The following ANKMY1 variants were observed in gnomAD, a reference collection of about 807,000 sequenced individuals.
The protein encoded by ANKMY1 is ankyrin repeat and MYND domain containing 1, also known as ankyrin repeat and MYND domain-containing protein 1.
ANKMY1 carries 98 observed loss-of-function variants against 102.0 expected under a neutral mutation model. The ratio of observed to expected loss-of-function variants is 0.96; its 90% confidence interval spans 0.82 to 1.14. ANKMY1 has a LOEUF of 1.14. Ranked by LOEUF, ANKMY1 falls within the 50% of genes most tolerant of loss-of-function variation. The pLI, the probability that ANKMY1 is intolerant of heterozygous loss-of-function variation, is 0.00. For synonymous variants in ANKMY1, 582 were observed against 559.9 expected (o/e 1.04, Z -0.56); for missense variants, 1,330 against 1,347.6 (o/e 0.99, Z 0.20).
chr2:240,481,481 C>T (rs977780680), intron 16 of ANKMY1, among the ~76,000 whole-genome samples: 1 of 152,140 alleles, frequency 6.6e-6, no homozygotes, highest in South Asian at 2.1e-4. Flanking sequence ...AGTGACTCTT[C>T]GAGGGCAGGG....
At chr2:240,538,476 C>T (rs759818246) in intron 4 of ANKMY1, among the ~76,000 whole-genome samples, 9 of 152,296 alleles carry the variant, frequency 5.9e-5, no homozygotes, top group Middle Eastern at 3.4e-3. Flanking sequence ...AGCCCGCCAG[C>T]GCTGCACTCA....
At chr2:240,522,789 C>T (rs905270501) in intron 8 of ANKMY1, 15 of 152,248 alleles carry the variant, frequency 9.9e-5, no homozygotes, top group Admixed American at 2.6e-4. Context: ...GCGCTGCTAA[C>T]GCCATCTCAC....
intron 15 of ANKMY1, among the ~76,000 whole-genome samples, chr2:240,494,338 C>T (rs2076986777): frequency 6.6e-6 from 1 of 152,162 alleles, no homozygotes; most frequent in South Asian, 2.1e-4. Context: ...ATCACTGGGT[C>T]TCACCCCTGC....
At chr2:240,537,297 A>C (rs1421581593) in intron 4 of ANKMY1, among the ~76,000 whole-genome samples, 2 of 152,234 alleles carry the variant, frequency 1.3e-5, no homozygotes, top group African/African-American at 2.4e-5. Flanking sequence ...CATAAGTTCC[A>C]TAATGTGACC....
chr2:240,499,714 G>A lies in ANKMY1; in HGVS notation c.2806+244C>T, dbSNP rs1286910063. 2.6e-5 allele frequency among the ~76,000 whole-genome samples: 4 copies of A among 152,002 alleles called. No individual in the cohort carries two copies. Among genetic ancestry groups the A allele is most frequent in the Non-Finnish European group, 5.9e-5 (4 of 67,954 alleles). On this transcript the variant is annotated intron_variant, in intron 15 of 17. Coordinates refer to ENST00000401804, the MANE Select transcript of ANKMY1 (RefSeq NM_001282771.3). The surrounding 1 kb of genome is among the most constrained non-coding windows in gnomAD (Gnocchi z 4.2). ...TGGGCGTGGGGCCCCTCTGACCTGG[G>A]CCCTGGCCCTAGGCCACCAACTCCT...
At position 240,482,266 on chromosome 2, in the gene ANKMY1, A is replaced by G. The variant is rs2075489894; in HGVS notation, c.2807-5T>C. On this transcript the variant is annotated splice_region_variant and splice_polypyrimidine_tract_variant and intron_variant, in intron 15 of 17. Coordinates refer to ENST00000401804, the MANE Select transcript of ANKMY1 (RefSeq NM_001282771.3). ...TGTGGCTGGGGATCAGCTCCGCTGCATGAGAGAGGGTCCCGCATTAGTACC... is the reference window on the plus strand; with the variant it reads ...TGTGGCTGGGGATCAGCTCCGCTGCGTGAGAGAGGGTCCCGCATTAGTACC... The G allele has an allele frequency of 1.2e-6, 2 of 1,610,560 alleles. No individual in the cohort carries two copies. Among genetic ancestry groups the G allele is most frequent in the Non-Finnish European group, 1.7e-6 (2 of 1,178,640 alleles).
At chr2:240,527,072 ATGGATGAATGGATGGGTGGG>A (rs2083636957) in intron 5 of ANKMY1, 23 of 699,976 alleles carry the variant, frequency 3.3e-5, no homozygotes, top group Admixed American at 6.3e-5. Flanking sequence ...GAGTGAATTG[ATGGATGAATGGATGGGTGGG>A]TGGATGAATG....
intron 16 of ANKMY1, 97 bp downstream of exon 16, chr2:240,482,086 G>T: frequency 7.4e-7 from 1 of 1,359,020 alleles, no homozygotes; most frequent in Non-Finnish European, 1.0e-6. Context: ...ATGGCATGGA[G>T]GCTGTCCCGG....
intron 5 of ANKMY1, chr2:240,527,421 A>G (rs2083840739): frequency 4.6e-5 from 1 of 21,574 alleles, no homozygotes. Flanking sequence ...AGGTAGATGA[A>G]TGAGTAGGTA....
At chr2:240,482,527 T>C (rs893574337) in intron 15 of ANKMY1, among the ~76,000 whole-genome samples, 79 of 152,262 alleles carry the variant, frequency 5.2e-4, no homozygotes, top group African/African-American at 1.9e-3. Context: ...TTCTTTTTAA[T>C]TCATTTCAAA....
At chr2:240,504,336 G>A (rs928791211) in intron 13 of ANKMY1, among the ~76,000 whole-genome samples, 1 of 152,182 alleles carries the variant, frequency 6.6e-6, no homozygotes, top group Non-Finnish European at 1.5e-5. Flanking sequence ...TCTCCAGGAG[G>A]CTACGGAAAA....
At chr2:240,552,111 A>C (rs1192905902) in intron 4 of ANKMY1, among the ~76,000 whole-genome samples, 1 of 152,192 alleles carries the variant, frequency 6.6e-6, no homozygotes, top group Non-Finnish European at 1.5e-5. Context: ...CCCTAGTTTT[A>C]GTCAGGGGGA....
intron 13 of ANKMY1, among the ~76,000 whole-genome samples, chr2:240,504,320 C>A (rs1490765088): frequency 1.3e-5 from 2 of 152,202 alleles, no homozygotes; most frequent in Non-Finnish European, 2.9e-5. Flanking sequence ...GAGAAAAGCA[C>A]CAGATTCTCC....
At chr2:240,497,446 G>T (rs2077409136) in intron 15 of ANKMY1, among the ~76,000 whole-genome samples, 1 of 152,206 alleles carries the variant, frequency 6.6e-6, no homozygotes, top group African/African-American at 2.4e-5. Flanking sequence ...AGCTGGGAGG[G>T]TGAAAAGGAA....
At position 240,507,701 on chromosome 2, in the gene ANKMY1, CACAG is replaced by C. The variant is rs759207009; in HGVS notation, c.2395-14_2395-11del. Reference sequence around the variant, plus strand: ...GGAGCTCCTTCACAACCTGAACATACACAGACAGTCTCATCAGTGGCCACCATGT... The same window carrying C: ...GGAGCTCCTTCACAACCTGAACATACACAGTCTCATCAGTGGCCACCATGT... On this transcript the variant is annotated splice_polypyrimidine_tract_variant and intron_variant, in intron 12 of 17. Coordinates refer to ENST00000401804, the MANE Select transcript of ANKMY1 (RefSeq NM_001282771.3). The C allele has an allele frequency of 6.3e-5, 101 of 1,593,876 alleles. No homozygotes were observed. Among genetic ancestry groups the C allele is most frequent in the African/African-American group, 5.9e-4 (44 of 74,612 alleles).
At chr2:240,552,887 C>A in intron 4 of ANKMY1, 27 bp downstream of exon 4, 1 of 1,613,252 alleles carries the variant, frequency 6.2e-7, no homozygotes, top group East Asian at 2.2e-5. Flanking sequence ...ACTTCGACCC[C>A]AGCTGAACAC....
intron 15 of ANKMY1, among the ~76,000 whole-genome samples, chr2:240,492,756 T>C (rs917822886): frequency 3.3e-5 from 5 of 152,188 alleles, no homozygotes; most frequent in Non-Finnish European, 5.9e-5. Context: ...AGTGGCACGA[T>C]CTCGGCTCAC....
rs542779034 is a variant in ANKMY1 at position 240,506,564 on chromosome 2, C to T, written c.2526+996G>A. Among the ~76,000 whole-genome samples the T allele has an allele frequency of 1.3e-4, 20 of 152,272 alleles. No homozygotes were observed. Among genetic ancestry groups the T allele is most frequent in the African/African-American group, 3.6e-4 (15 of 41,544 alleles). On this transcript the variant is annotated intron_variant, in intron 13 of 17. Transcript: ENST00000401804. This position sits in a 1 kb window ranked among gnomAD's most constrained non-coding sequence, Gnocchi z 4.9. ...TTTAAGTAAAGCTACCCTTTTGTGA[C>T]GTCAAACAACCTTCCAGACGCCTGA...
rs991121397 is a variant in ANKMY1 at position 240,528,948 on chromosome 2, G to A, written c.953+89C>T. The A allele has an allele frequency of 7.4e-6, 9 of 1,213,232 alleles. No individual in the cohort carries two copies. In the Admixed American group the frequency reaches 1.7e-4, roughly 24 times the overall value. 75.2% of individuals were successfully genotyped at this position (1,213,232 alleles called of 1,614,324 possible). ...AGGTCACCCTGAGGGAGCACTGTCA[G>A]TGGCAGCTGGCCGGGGACCTCAGGA... On this transcript the variant is annotated intron_variant, in intron 5 of 17. Coordinates refer to ENST00000401804, the MANE Select transcript of ANKMY1 (RefSeq NM_001282771.3).
Sources: allele counts gnomAD v4.1 joint callset (sites outside exome capture counted in the v4.1 genomes callset), GRCh38; gene constraint gnomAD v4.1.1; non-coding constraint Gnocchi (gnomAD v3.1); transcripts MANE v1.5; gene names NCBI Gene and HGNC (gene_info 2026-07-23, HGNC 2026-07-21).